SNRPN: variants seen among roughly 807,000 people sequenced by gnomAD.
SNRPN encodes small nuclear ribonucleoprotein-associated protein N.
In SNRPN, 7 loss-of-function variants were observed where a neutral mutation model predicts 25.2. The ratio of observed to expected loss-of-function variants is 0.28; its 90% CI spans 0.16 to 0.52. The LOEUF is 0.52. Among genes scored for constraint, SNRPN ranks in the 20% least tolerant of loss-of-function variants. SNRPN has a pLI of 0.96. For missense variants in SNRPN, 196 were observed against 322.5 expected (o/e 0.61, Z 3.00); for synonymous variants, 124 against 110.6 (o/e 1.12, Z -0.76).
chr15:24,967,419 C>T (rs1350707236), intron 2 of SNRPN, among the ~76,000 whole-genome samples: 1 of 152,018 alleles, frequency 6.6e-6, no homozygotes, highest in African/African-American at 2.4e-5. Flanking sequence ...GTGGGTGGAT[C>T]ACCTGAGGTC....
At chr15:24,919,175 A>G (rs1477830933) in intron 2 of SNRPN, among the ~76,000 whole-genome samples, 1 of 151,574 alleles carries the variant, frequency 6.6e-6, no homozygotes, top group African/African-American at 2.4e-5. Flanking sequence ...CACGCCTGTA[A>G]TCCCAGCACT....
At chr15:24,848,230 G>GCGGGGGCGGGGGCGGC (rs1177167977) in intron 2 of SNRPN, 2 of 126,738 alleles carry the variant, frequency 1.6e-5, no homozygotes, top group Admixed American at 7.9e-5. Context: ...GGGGGCGGCG[G>GCGGGGGCGGGGGCGGC]TGGGGGCGGG....
At chr15:24,846,563 T>C (rs574243241) in intron 2 of SNRPN, among the ~76,000 whole-genome samples, 1 of 152,284 alleles carries the variant, frequency 6.6e-6, no homozygotes, top group African/African-American at 2.4e-5. Context: ...TAAATAGTCA[T>C]AGAAGGAATC....
At chr15:24,887,620 G>T (rs1424246327) in intron 2 of SNRPN, among the ~76,000 whole-genome samples, 1 of 152,122 alleles carries the variant, frequency 6.6e-6, no homozygotes, top group African/African-American at 2.4e-5. Flanking sequence ...CATTCTCTGA[G>T]ATTTGTATAC....
chr15:24,852,404 G>A (rs2052943333), upstream of SNRPN, among the ~76,000 whole-genome samples: 1 of 152,116 alleles, frequency 6.6e-6, no homozygotes, highest in Admixed American at 6.5e-5. Flanking sequence ...GGGTCTACCT[G>A]CCAAATCAGG....
Position 24,967,885 on chromosome 15 carries a change from A to G in SNRPN, c.-294-47A>G, listed in dbSNP as rs74003522. On this transcript the variant is annotated intron_variant, in intron 2 of 9. Coordinates refer to ENST00000390687, the MANE Select transcript of SNRPN (RefSeq NM_003097.6). Reference sequence around the variant, plus strand: ...TTTTCTTTCATATGGTTTCCTATAAAGACAAATGTATTTTTATCATTTATA... The same window carrying G: ...TTTTCTTTCATATGGTTTCCTATAAGGACAAATGTATTTTTATCATTTATA... 1,349 of 1,518,936 alleles carry G rather than the reference A, an allele frequency of 8.9e-4. 13 individuals are homozygous for G. The African/African-American group carries it at 0.017, about 19-fold the overall frequency. The allele number at this position is 1,518,936 out of a possible 1,614,324, so 94.1% of individuals were successfully genotyped here.
intron 1 of SNRPN, among the ~76,000 whole-genome samples, chr15:24,873,178 A>AAG (rs1555385830): frequency 8.4e-6 from 1 of 118,722 alleles, no homozygotes; most frequent in Non-Finnish European, 1.8e-5. Context: ...GCAAAAAAAA[A>AAG]GCAACAGGGA....
intron 2 of SNRPN, among the ~76,000 whole-genome samples, chr15:24,908,052 CAAAAAAAAAAAA>C (rs71127014): frequency 9.9e-5 from 7 of 70,708 alleles, no homozygotes; most frequent in African/African-American, 1.7e-4. Context: ...GACTCCATCT[CAAAAAAAAAAAA>C]AAAAAAAAAA....
chr15:24,934,037 C>T (rs569764447), intron 3 of SNRPN, among the ~76,000 whole-genome samples: 8 of 152,242 alleles, frequency 5.3e-5, no homozygotes, highest in African/African-American at 1.9e-4. Context: ...GTGGCTCACA[C>T]CTGTAATCCC....
chr15:24,862,603 G>A lies in SNRPN; in HGVS notation c.-579+5887G>A, dbSNP rs184320030. ...TCCACTGCATGTGTGGGGCTCACAG[G>A]GGAACAACATAGACAAAGTTTCCAA... On this transcript the variant is annotated intron_variant, in intron 1 of 11. Transcript: ENST00000400097. 1.8e-3 allele frequency among the ~76,000 whole-genome samples: 279 copies of A among 151,142 alleles called. 23 individuals are homozygous for A. Among genetic ancestry groups the A allele is most frequent in the African/African-American group, 6.6e-3 (269 of 40,554 alleles).
intron 1 of SNRPN, among the ~76,000 whole-genome samples, chr15:24,878,558 C>A (rs1178559856): frequency 2.0e-5 from 3 of 152,210 alleles, no homozygotes; most frequent in Non-Finnish European, 4.4e-5. Flanking sequence ...CTGCGTTTTA[C>A]TCGTAAAAAT....
At chr15:24,828,390 C>T (rs2050250227) in intron 1 of SNRPN, among the ~76,000 whole-genome samples, 1 of 152,056 alleles carries the variant, frequency 6.6e-6, no homozygotes, top group South Asian at 2.1e-4. Context: ...CATGTGCCCT[C>T]AATAACGCCA....
intron 3 of SNRPN, among the ~76,000 whole-genome samples, chr15:24,940,306 A>C (rs1281277468): frequency 6.6e-6 from 1 of 152,136 alleles, no homozygotes; most frequent in African/African-American, 2.4e-5. Context: ...AATGTTATGA[A>C]GCGTTTTTTC....
At chr15:24,976,851 T>A in intron 6 of SNRPN, 26 bp from the exon 7 acceptor site, 1 of 1,600,878 alleles carries the variant, frequency 6.2e-7, no homozygotes, top group South Asian at 1.1e-5. Flanking sequence ...TTGTTTGATT[T>A]TAGGCTATGA....
At chr15:24,909,629 G>A in intron 2 of SNRPN, 2 of 1,220,902 alleles carry the variant, frequency 1.6e-6, no homozygotes, top group Admixed American at 1.7e-5. Flanking sequence ...ATGGGCATAA[G>A]CAATCTGACA....
intron 3 of SNRPN, among the ~76,000 whole-genome samples, chr15:24,933,707 G>A (rs1220982655): frequency 2.0e-5 from 3 of 152,238 alleles, no homozygotes. Context: ...TGACTTACAG[G>A]TATAAGGAGA....
chr15:24,876,616 CAAAAA>C (rs397943017), intron 1 of SNRPN, among the ~76,000 whole-genome samples: 2 of 89,002 alleles, frequency 2.2e-5, no homozygotes, highest in African/African-American at 8.4e-5. Context: ...GACTCCATCT[CAAAAA>C]AAAAAAAAAA....
Position 24,976,390 on chromosome 15 carries a change from A to G in SNRPN, c.241A>G (p.Thr81Ala). ...GCGTGGGGAGAACTTGGTATCCATG[A>G]CTGTGGAGGGGCCACCCCCCAAAGA... Reference protein sequence around the residue: ...LLRGENLVSMTVEGPPPKDTG... With the variant: ...LLRGENLVSMAVEGPPPKDTG... Residue 81 changes from threonine (T) to alanine (A), a missense_variant, in exon 6 of 10, where the codon ACT (threonine) becomes GCT (alanine). Thr to Ala is a moderately conservative substitution (Grantham distance 58, BLOSUM62 0). Transcript: ENST00000390687. The G allele has an allele frequency of 6.2e-7, 1 of 1,612,112 alleles. No individual in the cohort carries two copies. Among genetic ancestry groups the G allele is most frequent in the Non-Finnish European group, 8.5e-7 (1 of 1,179,292 alleles).
chr15:24,967,775 T>C (rs1437236435), intron 2 of SNRPN, among the ~76,000 whole-genome samples, 157 bp from the exon 3 acceptor site: 2 of 135,542 alleles, frequency 1.5e-5, no homozygotes, highest in African/African-American at 5.7e-5. Flanking sequence ...TTCATTGCAC[T>C]CCAGCCTGGG....
Sources: allele counts gnomAD v4.1 joint callset (sites outside exome capture counted in the v4.1 genomes callset), GRCh38; gene constraint gnomAD v4.1.1; transcripts MANE v1.5; gene names NCBI Gene and HGNC (gene_info 2026-07-23, HGNC 2026-07-21).